Variants in BIN3 observed in about 807,000 individuals in gnomAD.
BIN3 encodes the protein bridging integrator 3.
BIN3 carries 41 observed loss-of-function variants against 38.2 expected under a neutral mutation model. That is an observed-to-expected ratio of 1.07 (90% CI 0.84 to 1.39). BIN3 has a LOEUF of 1.39. BIN3 is among the 40% of genes most tolerant of loss of function. The pLI is 0.00. For synonymous variants in BIN3, 145 were observed against 122.6 expected, an observed-to-expected ratio of 1.18 and a Z score of -1.21; for missense variants, 361 against 324.3, an observed-to-expected ratio of 1.11 and a Z score of -0.87.
At chr8:22,624,508 G>A (rs1281028035) in intron 6 of BIN3, 145 bp from the exon 7 acceptor site, 7 of 1,114,132 alleles carry the variant, frequency 6.3e-6, no homozygotes, top group Non-Finnish European at 8.8e-6. Context: ...GTCCAAAAAT[G>A]TGCCCTGAGC....
chr8:22,660,731 A>G (rs1459055007), intron 1 of BIN3, among the ~76,000 whole-genome samples: 1 of 152,244 alleles, frequency 6.6e-6, no homozygotes, highest in Non-Finnish European at 1.5e-5. Context: ...TACAGGGAAT[A>G]TATAATAAAT....
intron 1 of BIN3, among the ~76,000 whole-genome samples, chr8:22,647,298 C>G (rs370917514): frequency 3.0e-4 from 46 of 152,316 alleles, no homozygotes; most frequent in East Asian, 2.3e-3. Flanking sequence ...GACAGCCTCC[C>G]TCTAAACCTT....
At chr8:22,662,327 G>T (rs1407635037) in intron 1 of BIN3, among the ~76,000 whole-genome samples, 1 of 152,192 alleles carries the variant, frequency 6.6e-6, no homozygotes, top group African/African-American at 2.4e-5. Context: ...CAGATACTTG[G>T]CATTGTCAGG....
At chr8:22,633,728 C>T (rs1023431211) in intron 4 of BIN3, among the ~76,000 whole-genome samples, 1 of 152,234 alleles carries the variant, frequency 6.6e-6, no homozygotes, top group Non-Finnish European at 1.5e-5. Flanking sequence ...TCCAGGGACA[C>T]ACATTTTCAG....
chr8:22,624,163 C>G (rs981141274), intron 7 of BIN3, 59 bp downstream of exon 7: 1 of 1,593,322 alleles, frequency 6.3e-7, no homozygotes, highest in East Asian at 2.2e-5. Context: ...GAGGGACTTA[C>G]CACAGGTGAC....
chr8:22,647,034 C>G (rs1413559186), intron 1 of BIN3, among the ~76,000 whole-genome samples: 1 of 152,204 alleles, frequency 6.6e-6, no homozygotes, highest in African/African-American at 2.4e-5. Context: ...GCCTCTGCCT[C>G]CGACTCATTT....
intron 4 of BIN3, chr8:22,634,327 C>T (rs1383173936): frequency 5.4e-6 from 2 of 369,398 alleles, no homozygotes; most frequent in African/African-American, 4.2e-5. Flanking sequence ...TCAGACCAGC[C>T]CACGGCCCAG....
chr8:22,627,900 G>A (rs1187737895), intron 6 of BIN3, among the ~76,000 whole-genome samples: 1 of 152,248 alleles, frequency 6.6e-6, no homozygotes, highest in Non-Finnish European at 1.5e-5. Context: ...CCACTAGACT[G>A]TAAGCTCCTG....
chr8:22,657,090 C>T (rs1803079678), intron 1 of BIN3, among the ~76,000 whole-genome samples: 2 of 152,194 alleles, frequency 1.3e-5, no homozygotes, highest in Non-Finnish European at 1.5e-5. Context: ...AAATACTATG[C>T]TAGGTTCTAG....
chr8:22,654,448 T>G (rs923832787), intron 1 of BIN3, among the ~76,000 whole-genome samples: 2 of 152,110 alleles, frequency 1.3e-5, no homozygotes, highest in Non-Finnish European at 2.9e-5. Flanking sequence ...TTCAGAACAT[T>G]TTCATCACAC....
chr8:22,645,551 G>C (rs748458030), intron 1 of BIN3, among the ~76,000 whole-genome samples: 12 of 151,842 alleles, frequency 7.9e-5, no homozygotes, highest in Middle Eastern at 3.4e-3. Flanking sequence ...GAAAGGAAAG[G>C]AAAGGAAAGG....
rs980231168 is a variant in BIN3 at position 22,629,991 on chromosome 8, TG to T, written c.310del (p.Gln104ArgfsTer4). 43 of 1,609,674 alleles carry T rather than the reference TG, an allele frequency of 2.7e-5. No homozygotes were observed. Among genetic ancestry groups the T allele is most frequent in the African/African-American group, 4.0e-5 (3 of 74,882 alleles). On this transcript the variant is annotated frameshift_variant, in exon 6 of 9. Transcript: ENST00000276416. LOFTEE classifies it high-confidence loss of function. ...TTTTAAGGGCTCGATCACAGTCTTC[TG>T]GATCTGGTTCACCTGTCAAAGAAAA... ...AFNQEKVNQIQKTVIEPLKKF... is the reference protein window; with the variant it reads ...AFNQEKVNQIXKTVIEPLKKF...
chr8:22,628,015 C>A (rs890449800), intron 6 of BIN3, among the ~76,000 whole-genome samples: 2 of 152,220 alleles, frequency 1.3e-5, no homozygotes, highest in Non-Finnish European at 2.9e-5. Context: ...TGTCCTAAGG[C>A]TCAATATCAA....
At chr8:22,631,881 C>G (rs1802214434) in intron 4 of BIN3, among the ~76,000 whole-genome samples, 1 of 152,200 alleles carries the variant, frequency 6.6e-6, no homozygotes, top group Admixed American at 6.5e-5. Context: ...AACATGTTTT[C>G]AGGCCTCCAT....
chr8:22,644,247 G>A (rs1482096853), intron 2 of BIN3, among the ~76,000 whole-genome samples: 1 of 152,236 alleles, frequency 6.6e-6, no homozygotes, highest in Non-Finnish European at 1.5e-5. Context: ...GCTTAAAGGG[G>A]GGTGGGATTC....
At chr8:22,652,529 G>A (rs62494264) in intron 1 of BIN3, among the ~76,000 whole-genome samples, 4 of 152,236 alleles carry the variant, frequency 2.6e-5, no homozygotes, top group African/African-American at 4.8e-5. Flanking sequence ...GTGGTGGGGA[G>A]GGGAAGGGGT....
chr8:22,668,876 C>T (rs1803514321), intron 1 of BIN3, among the ~76,000 whole-genome samples, 168 bp downstream of exon 1: 1 of 152,238 alleles, frequency 6.6e-6, no homozygotes, highest in Non-Finnish European at 1.5e-5. Context: ...GAGACTGCGA[C>T]TCCGGAAAGC....
At chr8:22,633,577 T>A (rs1003104901) in intron 4 of BIN3, among the ~76,000 whole-genome samples, 2 of 152,268 alleles carry the variant, frequency 1.3e-5, no homozygotes, top group Non-Finnish European at 2.9e-5. Flanking sequence ...AGAAAGGTCA[T>A]CTTTTTTAGA....
chr8:22,630,291 G>T, intron 5 of BIN3, 151 bp downstream of exon 5: 2 of 1,184,224 alleles, frequency 1.7e-6, no homozygotes, highest in Non-Finnish European at 2.4e-6. Context: ...AAAGAGCCCT[G>T]TGGGCTTGCA....
Sources: gnomAD v4.1 joint callset for allele counts (sites outside exome capture counted in the v4.1 genomes callset) on GRCh38, gnomAD v4.1.1 for gene constraint, MANE v1.5 for transcripts, NCBI Gene and HGNC (gene_info 2026-07-23, HGNC 2026-07-21) for gene names.